The following EIF2D variants were observed in gnomAD, a reference collection of about 807,000 sequenced individuals.
EIF2D encodes the protein hepatocellular carcinoma-associated antigen 56.
In EIF2D, 56 loss-of-function variants were observed where a neutral mutation model predicts 77.4. The observed-to-expected ratio is 0.72, with a 90% CI of 0.58 to 0.90. The LOEUF (loss-of-function observed/expected upper bound fraction) is 0.90. Ranked by LOEUF, EIF2D falls within the 40% of genes least tolerant of loss-of-function variation. The pLI is 0.00. For missense variants in EIF2D, 574 were observed against 706.5 expected, an observed-to-expected ratio of 0.81 and a Z score of 2.13; for synonymous variants, 230 against 271.0, an observed-to-expected ratio of 0.85 and a Z score of 1.49.
chr1:206,603,186 G>C lies in EIF2D; in HGVS notation c.549C>G (p.Ser183=), dbSNP rs782009219. The C allele has an allele frequency of 1.9e-5, 31 of 1,613,542 alleles. No individual in the cohort carries two copies. The Admixed American group carries it at 5.2e-4, about 27-fold the overall frequency. ...CCAGTGGAGCAATGGAAGGTGGAGA[G>C]GACTTGTTTCCAGACCGCCTGGAAA... is the stretch of plus-strand genomic sequence containing the variant. ...QDHLWRSGNK[S]SPPSIAPLAL... is the part of the protein sequence containing the mutation. Residue 183 remains serine, a synonymous_variant, in exon 6 of 15, where the codon TCC becomes TCG. Coordinates refer to ENST00000271764, the MANE Select transcript of EIF2D (RefSeq NM_006893.3).
At chr1:206,572,990 A>T (rs1446308176) in intron 4 of EIF2D, among the ~76,000 whole-genome samples, 6 of 152,276 alleles carry the variant, frequency 3.9e-5, no homozygotes, top group Admixed American at 6.5e-5. Context: ...AAAAATTTGG[A>T]CAAATGACTA....
At chr1:206,593,541 G>GTGTGTGTGTGTGTGTGTGTGTT in intron 14 of EIF2D, 78 bp downstream of exon 14, 2 of 1,098,826 alleles carry the variant, frequency 1.8e-6, no homozygotes. Flanking sequence ...GTGTGTGTGT[G>GTGTGTGTGTGTGTGTGTGTGTT]TATTATGCAA....
intron 5 of EIF2D, among the ~76,000 whole-genome samples, chr1:206,604,327 C>A (rs1324342669): frequency 2.0e-5 from 3 of 152,004 alleles, no homozygotes; most frequent in African/African-American, 4.8e-5. Context: ...GCCTGTAATC[C>A]CAGCTACTCG....
chr1:206,578,163 C>T (rs1668724976), intron 4 of EIF2D, among the ~76,000 whole-genome samples: 1 of 151,544 alleles, frequency 6.6e-6, no homozygotes, highest in Non-Finnish European at 1.5e-5. Flanking sequence ...GAGGTCGAGG[C>T]TGCAGTGAGT....
Position 206,599,106 on chromosome 1 carries a change from A to C in EIF2D, c.1203-14T>G, listed in dbSNP as rs1669794829. ...AAGCTCCCCTTCCTAGGTGAGGAGA[A>C]GTGACCCAGGGGTTAGTTCATGCTG... On this transcript the variant is annotated splice_polypyrimidine_tract_variant and intron_variant, in intron 10 of 14. Coordinates refer to ENST00000271764, the MANE Select transcript of EIF2D (RefSeq NM_006893.3). The surrounding 1 kb of genome is among the most constrained non-coding windows in gnomAD (Gnocchi z 4.1). 1 of 1,613,392 alleles carries C rather than the reference A, an allele frequency of 6.2e-7. No individual in the cohort carries two copies. Among genetic ancestry groups the C allele is most frequent in the African/African-American group, 1.3e-5 (1 of 74,916 alleles).
intron 1 of EIF2D, 67 bp from the exon 2 acceptor site, chr1:206,611,441 C>A: frequency 7.4e-7 from 1 of 1,348,992 alleles, no homozygotes; most frequent in Non-Finnish European, 1.0e-6. Flanking sequence ...CAAGAACGAA[C>A]TCAAAAGTGC....
Position 206,592,242 on chromosome 1 carries a change from C to T in EIF2D, c.1685-397G>A, listed in dbSNP as rs1176771490. Among the ~76,000 whole-genome samples, 1 of 152,222 alleles carries T rather than the reference C, an allele frequency of 6.6e-6. No individual in the cohort carries two copies. The highest frequency in any genetic ancestry group is 2.4e-5 in the African/African-American group (1 of 41,458). On this transcript the variant is annotated intron_variant, in intron 14 of 14. Transcript: ENST00000271764. The surrounding 1 kb of genome is among the most constrained non-coding windows in gnomAD (Gnocchi z 4.7). ...AAATGAGCACTTACTATCCGCCAGG[C>T]CCTGAGGATGAAAAAGGCAAGGTTT...
At position 206,598,996 on chromosome 1, in the gene EIF2D, C is replaced by T; in HGVS notation, c.1292+7G>A. On this transcript the variant is annotated splice_region_variant and intron_variant, in intron 11 of 14. Transcript: ENST00000271764. ...TAAGACAGATCTGGTGCTTCTCATGCACTCACTTTTTGTTGTCTGCATCAA... is the reference window on the plus strand; with the variant it reads ...TAAGACAGATCTGGTGCTTCTCATGTACTCACTTTTTGTTGTCTGCATCAA... 6.2e-7 allele frequency: 1 copy of T among 1,613,964 alleles called. No individual in the cohort carries two copies. The highest frequency in any genetic ancestry group is 1.1e-5 in the South Asian group (1 of 91,068).
At position 206,599,695 on chromosome 1, in the gene EIF2D, G is replaced by T; in HGVS notation, c.1052+38C>A. 2 of 1,613,618 alleles carry T rather than the reference G, an allele frequency of 1.2e-6. No individual in the cohort carries two copies. Among genetic ancestry groups the T allele is most frequent in the Non-Finnish European group, 1.7e-6 (2 of 1,179,684 alleles). Reference sequence around the variant, plus strand: ...CCAGTCCGTGGCCCAGGTGCCCTGGGGCCAGCTGGGCTACAGTGACAGGCC... The same window carrying T: ...CCAGTCCGTGGCCCAGGTGCCCTGGTGCCAGCTGGGCTACAGTGACAGGCC... On this transcript the variant is annotated intron_variant, in intron 9 of 14. Coordinates refer to ENST00000271764, the MANE Select transcript of EIF2D (RefSeq NM_006893.3). The surrounding 1 kb of genome is among the most constrained non-coding windows in gnomAD (Gnocchi z 4.1).
In EIF2D at chr1:206,584,376, C is replaced by T. The variant is rs886669967; in HGVS notation, c.139-3214G>A. 41 of 1,602,568 alleles carry T rather than the reference C, an allele frequency of 2.6e-5. 1 individual carries two copies. The East Asian group carries it at 8.9e-4, about 35-fold the overall frequency. On this transcript the variant is annotated intron_variant and NMD_transcript_variant, in intron 2 of 5. Coordinates refer to the EIF2D transcript ENST00000472709. The surrounding 1 kb of genome is among the most constrained non-coding windows in gnomAD (Gnocchi z 4.9). ...CGGCCCTGACCCCCTGTGACATGCC[C>T]CCGCTGGCAGAGTGAAGACGGCACC...
At chr1:206,602,156 G>T in intron 7 of EIF2D, 180 bp downstream of exon 7, 1 of 533,608 alleles carries the variant, frequency 1.9e-6, no homozygotes, top group Non-Finnish European at 3.3e-6. Context: ...AGCCCAGCAA[G>T]CTAAGAATTA....
intron 6 of EIF2D, 172 bp downstream of exon 6, chr1:206,602,779 G>T: frequency 1.0e-6 from 1 of 970,864 alleles, no homozygotes; most frequent in Non-Finnish European, 1.5e-6. Flanking sequence ...TATGTGGAAA[G>T]GATTCAAAAA....
Position 206,599,469 on chromosome 1 carries a change from C to T in EIF2D, c.1196G>A (p.Gly399Asp). The stretch of plus-strand genomic sequence containing the variant: ...CTGCTCTCCAAAAACTCACTTGTGG[C>T]CAGACTCCTGGAAGAGCAGGGTCAT... Reference protein sequence around the residue: ...ASMTLLFQESGHKKGSFLEGS... With the variant: ...ASMTLLFQESDHKKGSFLEGS... The change falls in exon 10 of 15, where the codon GGC becomes GAC. Residue 399 changes from glycine (G) to aspartate (D), a missense_variant. Coordinates refer to ENST00000271764, the MANE Select transcript of EIF2D (RefSeq NM_006893.3). The surrounding 1 kb of genome is among the most constrained non-coding windows in gnomAD (Gnocchi z 4.1). 6.2e-7 allele frequency: 1 copy of T among 1,613,690 alleles called. No homozygotes were observed. Among genetic ancestry groups the T allele is most frequent in the Non-Finnish European group, 8.5e-7 (1 of 1,179,882 alleles).
At chr1:206,593,849 A>G (rs1350127354) in intron 13 of EIF2D, 56 bp from the exon 14 acceptor site, 2 of 1,518,514 alleles carry the variant, frequency 1.3e-6, no homozygotes, top group Non-Finnish European at 1.8e-6. Context: ...CCTTCCCTCC[A>G]GAGGGCCTTC....
intron 4 of EIF2D, among the ~76,000 whole-genome samples, chr1:206,574,101 C>T (rs1668548898): frequency 6.6e-6 from 1 of 152,150 alleles, no homozygotes; most frequent in Non-Finnish European, 1.5e-5. Context: ...AACTTAGGTC[C>T]CTGTAAGGGA....
intron 4 of EIF2D, among the ~76,000 whole-genome samples, chr1:206,574,307 G>A (rs114002748): frequency 1.4e-3 from 208 of 152,288 alleles, no homozygotes; most frequent in Non-Finnish European, 2.2e-3. Flanking sequence ...GTGCCACAGC[G>A]CATCCATCTC....
At chr1:206,598,418 T>C (rs1487567365) in intron 11 of EIF2D, among the ~76,000 whole-genome samples, 2 of 152,154 alleles carry the variant, frequency 1.3e-5, no homozygotes, top group African/African-American at 2.4e-5. Context: ...AATAATACCA[T>C]AATGGGTACA....
At position 206,612,319 on chromosome 1, in the gene EIF2D, GACCCGAAAGGCCTTGGCAA is replaced by G. The variant is rs1558544582; in HGVS notation, c.5_23del (p.Phe2SerfsTer19). On this transcript the variant is annotated frameshift_variant, in exon 1 of 15. Transcript: ENST00000271764. LOFTEE classifies it high-confidence loss of function. ...ACCCCTTGATGGCCGTGTTGGACTTGACCCGAAAGGCCTTGGCAAACATGTCTGCTGGGGTGGCCTGGGG... is the reference window on the plus strand; with the variant it reads ...ACCCCTTGATGGCCGTGTTGGACTTGACATGTCTGCTGGGGTGGCCTGGGG... 1 of 1,614,256 alleles carries G rather than the reference GACCCGAAAGGCCTTGGCAA, an allele frequency of 6.2e-7. No homozygotes were observed. Among genetic ancestry groups the G allele is most frequent in the Non-Finnish European group, 8.5e-7 (1 of 1,180,028 alleles).
chr1:206,612,304 G>C lies in EIF2D; in HGVS notation c.39C>G (p.Ala13=), dbSNP rs1553414237. The C allele has an allele frequency of 6.2e-7, 1 of 1,614,266 alleles. No homozygotes were observed. Residue 13 remains alanine (A), a synonymous_variant, in exon 1 of 15, where the codon GCC becomes GCG. Coordinates refer to ENST00000271764, the MANE Select transcript of EIF2D (RefSeq NM_006893.3). Reference sequence around the variant, plus strand: ...TCCCTCACCTGTCCGACCCCTTGATGGCCGTGTTGGACTTGACCCGAAAGG... The same window carrying C: ...TCCCTCACCTGTCCGACCCCTTGATCGCCGTGTTGGACTTGACCCGAAAGG... ...AKAFRVKSNT[A]IKGSDRRKLR... is the part of the protein sequence containing the mutation.
Sources: gnomAD v4.1 joint callset for allele counts (sites outside exome capture counted in the v4.1 genomes callset) on GRCh38, gnomAD v4.1.1 for gene constraint, Gnocchi (gnomAD v3.1) non-coding constraint, MANE v1.5 for transcripts, NCBI Gene and HGNC (gene_info 2026-07-23, HGNC 2026-07-21) for gene names.